SPATA16: variants seen among roughly 807,000 people sequenced by gnomAD.
The protein encoded by SPATA16 is spermatogenesis-associated protein 16.
In SPATA16, 36 loss-of-function variants were observed where a neutral mutation model predicts 63.3. The observed-to-expected ratio is 0.57, with a 90% CI of 0.44 to 0.75. The LOEUF is 0.75. Among genes scored for constraint, SPATA16 ranks in the 30% least tolerant of loss-of-function variants. The pLI, the probability that SPATA16 is intolerant of heterozygous loss-of-function variation, is 0.00. For missense variants in SPATA16, 646 were observed against 679.3 expected, an observed-to-expected ratio of 0.95 and a Z score of 0.54; for synonymous variants, 203 against 216.7, an observed-to-expected ratio of 0.94 and a Z score of 0.56.
intron 1 of SPATA16, among the ~76,000 whole-genome samples, chr3:173,124,262 T>C (rs1476865358): frequency 1.3e-5 from 2 of 152,250 alleles, no homozygotes; most frequent in African/African-American, 2.4e-5. Context: ...ATTTATTAAC[T>C]GCATGTTGTA....
intron 9 of SPATA16, among the ~76,000 whole-genome samples, chr3:172,914,848 C>G (rs1375223834): frequency 6.6e-6 from 1 of 151,584 alleles, no homozygotes; most frequent in Non-Finnish European, 1.5e-5. Flanking sequence ...GTTTGAGGCT[C>G]TTTGTATATA....
At chr3:173,136,580 C>A (rs1738550416) in intron 1 of SPATA16, among the ~76,000 whole-genome samples, 1 of 152,156 alleles carries the variant, frequency 6.6e-6, no homozygotes, top group African/African-American at 2.4e-5. Context: ...CTTGTGCTGT[C>A]AGATACTAGG....
intron 10 of SPATA16, among the ~76,000 whole-genome samples, chr3:172,899,321 C>T (rs1294036972): frequency 6.6e-6 from 1 of 151,956 alleles, no homozygotes; most frequent in African/African-American, 2.4e-5. Context: ...CTTGTTTGTG[C>T]ATACACTTAG....
Position 173,048,949 on chromosome 3 carries a change from C to A in SPATA16, c.758G>T (p.Arg253Met), listed in dbSNP as rs760810893. The change falls in exon 3 of 11, where the codon AGG becomes ATG. Residue 253 changes from arginine to methionine, a missense_variant and splice_region_variant. Arg to Met is a moderately conservative substitution (Grantham distance 91). Transcript: ENST00000351008. ...KPDLALNHAH[R>M]SIVLNPAYFR... ...TGCACTTATTAGTATATGATTTTAC[C>A]TGTGTGCATGATTCAGGGCAAGATC... is the stretch of plus-strand genomic sequence containing the variant. 3 of 1,613,654 alleles carry A rather than the reference C, an allele frequency of 1.9e-6. No homozygotes were observed. The Admixed American group carries it at 5.0e-5, about 27-fold the overall frequency.
intron 2 of SPATA16, among the ~76,000 whole-genome samples, chr3:173,084,205 A>G (rs1736992736): frequency 6.6e-6 from 1 of 151,936 alleles, no homozygotes; most frequent in Admixed American, 6.6e-5. Flanking sequence ...CTTTTTAATA[A>G]TTGTCATTCT....
At chr3:172,951,322 A>C (rs552028099) in intron 6 of SPATA16, among the ~76,000 whole-genome samples, 15 of 152,258 alleles carry the variant, frequency 9.9e-5, no homozygotes, top group African/African-American at 3.6e-4. Context: ...GTTCCTGAGC[A>C]TGTATAAACC....
intron 6 of SPATA16, among the ~76,000 whole-genome samples, chr3:172,942,371 A>G (rs910604629): frequency 5.9e-5 from 9 of 152,224 alleles, no homozygotes; most frequent in African/African-American, 2.2e-4. Flanking sequence ...AAGGATGTGA[A>G]AAAGAAATAC....
chr3:172,930,673 C>T (rs992736386), intron 6 of SPATA16, among the ~76,000 whole-genome samples: 18 of 151,012 alleles, frequency 1.2e-4, no homozygotes, highest in African/African-American at 3.7e-4. Context: ...ATTCTCCTGC[C>T]TCAGCCTCCC....
intron 4 of SPATA16, among the ~76,000 whole-genome samples, chr3:173,006,777 T>C (rs1318304291): frequency 1.3e-5 from 2 of 152,202 alleles, no homozygotes; most frequent in Non-Finnish European, 2.9e-5. Context: ...TTTGGATCAC[T>C]CTTTTCTTTT....
chr3:172,900,700 G>A (rs1451425350), intron 10 of SPATA16, among the ~76,000 whole-genome samples: 1 of 152,052 alleles, frequency 6.6e-6, no homozygotes, highest in East Asian at 1.9e-4. Context: ...GAGTGCAATG[G>A]CATGATCTCG....
intron 3 of SPATA16, among the ~76,000 whole-genome samples, chr3:173,020,989 A>C (rs1735318727): frequency 6.6e-6 from 1 of 152,198 alleles, no homozygotes; most frequent in African/African-American, 2.4e-5. Context: ...AGAAAAATGC[A>C]CATAATCATA....
chr3:173,132,312 C>T (rs1738407119), intron 1 of SPATA16, among the ~76,000 whole-genome samples: 1 of 151,890 alleles, frequency 6.6e-6, no homozygotes, highest in Admixed American at 6.6e-5. Context: ...TTTAAAAAAC[C>T]TTTGGAAACA....
At chr3:172,943,623 C>T (rs2109605789) in intron 6 of SPATA16, among the ~76,000 whole-genome samples, 1 of 152,154 alleles carries the variant, frequency 6.6e-6, no homozygotes, top group South Asian at 2.1e-4. Flanking sequence ...GCCTGTAATC[C>T]CAGCTACTCG....
intron 1 of SPATA16, among the ~76,000 whole-genome samples, chr3:173,140,653 G>A (rs1438982941): frequency 6.6e-6 from 1 of 152,090 alleles, no homozygotes; most frequent in Non-Finnish European, 1.5e-5. Context: ...ACAACAACCC[G>A]TATCACAAAT....
intron 2 of SPATA16, among the ~76,000 whole-genome samples, chr3:173,095,249 T>A (rs2108322039): frequency 6.6e-6 from 1 of 152,180 alleles, no homozygotes; most frequent in Non-Finnish European, 1.5e-5. Flanking sequence ...ACTAAACACT[T>A]AATGAATGCT....
At chr3:172,972,788 C>T (rs191637681) in intron 5 of SPATA16, among the ~76,000 whole-genome samples, 1 of 152,070 alleles carries the variant, frequency 6.6e-6, no homozygotes, top group Non-Finnish European at 1.5e-5. Flanking sequence ...TTTTTGGGGA[C>T]AAAAATGTAC....
chr3:173,057,774 C>T (rs2108298766), intron 2 of SPATA16, among the ~76,000 whole-genome samples: 1 of 152,286 alleles, frequency 6.6e-6, no homozygotes, highest in African/African-American at 2.4e-5. Flanking sequence ...ACTTTTACAG[C>T]AAATCAACAG....
At chr3:172,961,069 TCTTCCTTCCTTC>T (rs770794784) in intron 5 of SPATA16, among the ~76,000 whole-genome samples, 33 of 72,380 alleles carry the variant, frequency 4.6e-4, no homozygotes, top group African/African-American at 1.1e-3. Context: ...CTTTCTTCTT[TCTTCCTTCCTTC>T]CTTCCTTCCT....
chr3:172,925,610 G>A, intron 6 of SPATA16, 118 bp from the exon 7 acceptor site: 1 of 1,229,990 alleles, frequency 8.1e-7, no homozygotes, highest in Non-Finnish European at 1.2e-6. Flanking sequence ...AAATGTGAAA[G>A]GTATGAAGTA....
Sources: allele counts gnomAD v4.1 joint callset (sites outside exome capture counted in the v4.1 genomes callset), GRCh38; gene constraint gnomAD v4.1.1; transcripts MANE v1.5; gene names NCBI Gene and HGNC (gene_info 2026-07-23, HGNC 2026-07-21).